Variants in DNAJC21 observed in about 807,000 individuals in gnomAD.
The protein encoded by DNAJC21 is DnaJ heat shock protein family (Hsp40) member C21.
Under a neutral mutation model 72.4 loss-of-function variants are expected in DNAJC21, and 63 were observed. The observed-to-expected ratio is 0.87, with a 90% CI of 0.71 to 1.07. DNAJC21 has a LOEUF of 1.07. Ranked by LOEUF, DNAJC21 falls within the 50% of genes least tolerant of loss-of-function variation. DNAJC21 has a pLI of 0.00. For missense variants in DNAJC21, 634 were observed against 644.8 expected, an observed-to-expected ratio of 0.98 and a Z score of 0.18; for synonymous variants, 203 against 216.7, an observed-to-expected ratio of 0.94 and a Z score of 0.56.
chr5:34,948,201 AAAGT>A (rs769485097), intron 9 of DNAJC21, among the ~76,000 whole-genome samples: 1 of 152,194 alleles, frequency 6.6e-6, no homozygotes, highest in Non-Finnish European at 1.5e-5. Context: ...TGATTTAAAG[AAAGT>A]AAGTGTGTGA....
chr5:34,950,730 G>A, intron 10 of DNAJC21: 2 of 991,936 alleles, frequency 2.0e-6, no homozygotes, highest in African/African-American at 3.5e-5. Flanking sequence ...ACAGCAGCCT[G>A]TGTTGGGCCC....
In DNAJC21 at chr5:34,936,157, T is replaced by A; in HGVS notation, c.329T>A (p.Val110Glu). 6.2e-7 allele frequency: 1 copy of A among 1,613,774 alleles called. No individual in the cohort carries two copies. The highest frequency in any genetic ancestry group is 1.1e-5 in the South Asian group (1 of 90,978). The change falls in exon 4 of 12, where the codon GTG becomes GAG. Residue 110 changes from valine (V) to glutamate (E), a missense_variant. Val to Glu is a moderately radical substitution (Grantham distance 121). Transcript: ENST00000648817. The stretch of plus-strand genomic sequence containing the variant: ...ACTGTTTTTTAGGGATTTTACACGG[T>A]GTATCGTAATGTTTTTGAAATGATT... ...YGDDEKGFYT[V>E]YRNVFEMIAK... is the part of the protein sequence containing the mutation.
At chr5:34,935,494 T>G (rs1417631051) in intron 2 of DNAJC21, among the ~76,000 whole-genome samples, 1 of 152,208 alleles carries the variant, frequency 6.6e-6, no homozygotes, top group Non-Finnish European at 1.5e-5. Flanking sequence ...GCTAGCATTG[T>G]ATAATGTATC....
At chr5:34,950,374 A>G in intron 10 of DNAJC21, 32 bp downstream of exon 10, 1 of 1,596,780 alleles carries the variant, frequency 6.3e-7, no homozygotes, top group Non-Finnish European at 8.5e-7. Context: ...TTTGTAAATT[A>G]CTGAATATTG....
At position 34,937,660 on chromosome 5, in the gene DNAJC21, A is replaced by C. The variant is rs1398982985; in HGVS notation, c.743+30A>C. The C allele has an allele frequency of 6.3e-6, 10 of 1,584,654 alleles. No individual in the cohort carries two copies. The Admixed American group carries it at 7.2e-5, about 11-fold the overall frequency. On this transcript the variant is annotated intron_variant, in intron 5 of 11. Transcript: ENST00000648817. Reference sequence around the variant, plus strand: ...GTAGCGTGCGTGGGGCCCTCTTCTCAGTATCGGTGGGGGTCAGAGGCAGCA... The same window carrying C: ...GTAGCGTGCGTGGGGCCCTCTTCTCCGTATCGGTGGGGGTCAGAGGCAGCA...
intron 9 of DNAJC21, among the ~76,000 whole-genome samples, chr5:34,946,601 G>A (rs1765181460): frequency 6.6e-6 from 1 of 152,074 alleles, no homozygotes; most frequent in Non-Finnish European, 1.5e-5. Flanking sequence ...TGACACATGA[G>A]TTAATCACTT....
At chr5:34,954,205 C>A (rs943391155) in intron 11 of DNAJC21, 1 of 499,892 alleles carries the variant, frequency 2.0e-6, no homozygotes, top group Non-Finnish European at 3.4e-6. Context: ...TAGACTGTAC[C>A]AGAACAGTTA....
chr5:34,954,107 C>T, intron 11 of DNAJC21, 106 bp downstream of exon 11: 1 of 1,002,404 alleles, frequency 1.0e-6, no homozygotes, highest in East Asian at 2.7e-5. Flanking sequence ...CGCAAAGAGC[C>T]TGCAAAGATG....
intron 5 of DNAJC21, 97 bp downstream of exon 5, chr5:34,937,727 C>T: frequency 2.8e-6 from 4 of 1,412,598 alleles, no homozygotes; most frequent in Non-Finnish European, 3.8e-6. Flanking sequence ...CAGTCATCAG[C>T]CTGGCTTTAT....
intron 10 of DNAJC21, chr5:34,951,770 C>T (rs1178798224): frequency 1.6e-5 from 16 of 978,184 alleles, no homozygotes; most frequent in East Asian, 1.1e-4. Flanking sequence ...ATGATCTGCC[C>T]GCCTTGGCCT....
chr5:34,932,849 A>G (rs1447676301), intron 1 of DNAJC21, among the ~76,000 whole-genome samples: 2 of 152,246 alleles, frequency 1.3e-5, no homozygotes, highest in African/African-American at 2.4e-5. Context: ...GGAAAGCCCA[A>G]GGTAGAAACT....
chr5:34,937,747 T>C (rs1764840420), intron 5 of DNAJC21, 117 bp downstream of exon 5: 2 of 1,254,902 alleles, frequency 1.6e-6, no homozygotes, highest in Admixed American at 2.7e-5. Flanking sequence ...TCCTGCTTTT[T>C]CTTCTTTTTT....
intron 10 of DNAJC21, chr5:34,951,356 G>C: frequency 1.0e-6 from 1 of 985,386 alleles, no homozygotes; most frequent in Non-Finnish European, 1.2e-6. Flanking sequence ...CTATTGAGTA[G>C]AAAGGCTGAC....
In DNAJC21 at chr5:34,944,540, TC is replaced by T. The variant is rs531356633; in HGVS notation, c.984-322del. 2.7e-3 allele frequency among the ~76,000 whole-genome samples: 411 copies of T among 151,386 alleles called. 2 individuals carry two copies. The highest frequency in any genetic ancestry group is 9.2e-3 in the African/African-American group (381 of 41,234). ...AATAAGTAGAGAATTTGTCCAAACC[TC>T]CCCCTGCCGACATTCCCCCATCCCC... On this transcript the variant is annotated intron_variant, in intron 7 of 11. Coordinates refer to ENST00000648817, the MANE Select transcript of DNAJC21 (RefSeq NM_001012339.3).
At chr5:34,937,838 C>T (rs1027747864) in intron 5 of DNAJC21, among the ~76,000 whole-genome samples, 3 of 152,146 alleles carry the variant, frequency 2.0e-5, no homozygotes, top group African/African-American at 7.2e-5. Flanking sequence ...TTCTGTCACC[C>T]AGGCTGGAGT....
chr5:34,942,790 T>G (rs1765041320), intron 7 of DNAJC21, among the ~76,000 whole-genome samples: 1 of 152,126 alleles, frequency 6.6e-6, no homozygotes. Context: ...TTATTCTCGC[T>G]GGGCGCAGTG....
At chr5:34,945,090 T>G in intron 8 of DNAJC21, 65 bp downstream of exon 8, 6 of 1,563,230 alleles carry the variant, frequency 3.8e-6, no homozygotes, top group Non-Finnish European at 5.2e-6. Flanking sequence ...TTAAAAGGTT[T>G]TTTTTGAGAT....
rs1429394391 is a variant in DNAJC21, at chr5:34,937,620, A to C, written c.733A>C (p.Lys245Gln). ...AGAGATGAGGCGGCAGCAGAAGCTA[A>C]AGCAGGCCAAGTGCGTAGCGTGCGT... is the stretch of plus-strand genomic sequence containing the variant. ...AEEMRRQQKLKQAKLVEQYRE... is the reference protein window; with the variant it reads ...AEEMRRQQKLQQAKLVEQYRE... Residue 245 changes from lysine (K) to glutamine (Q), a missense_variant, in exon 5 of 12, where the codon AAG becomes CAG. By Grantham distance (53) the Lys-to-Gln change is moderately conservative. Coordinates refer to ENST00000648817, the MANE Select transcript of DNAJC21 (RefSeq NM_001012339.3). The C allele has an allele frequency of 6.2e-7, 1 of 1,612,366 alleles. No individual in the cohort carries two copies. The highest frequency in any genetic ancestry group is 8.5e-7 in the Non-Finnish European group (1 of 1,178,980).
intron 7 of DNAJC21, among the ~76,000 whole-genome samples, chr5:34,943,743 A>G (rs1301209424): frequency 6.6e-6 from 1 of 152,216 alleles, no homozygotes; most frequent in East Asian, 1.9e-4. Flanking sequence ...AGTTTTTATC[A>G]GTTAGCACTT....
Sources: gnomAD v4.1 joint callset for allele counts (sites outside exome capture counted in the v4.1 genomes callset) on GRCh38, gnomAD v4.1.1 for gene constraint, MANE v1.5 for transcripts, NCBI Gene and HGNC (gene_info 2026-07-23, HGNC 2026-07-21) for gene names.